Variants in PLCG2 observed in about 807,000 individuals in gnomAD.
PLCG2 encodes the protein phospholipase C gamma 2, also known as 1-phosphatidylinositol 4,5-bisphosphate phosphodiesterase gamma-2.
In PLCG2, 69 loss-of-function variants were observed where a neutral mutation model predicts 175.6. That is an observed-to-expected ratio of 0.39 (90% CI 0.32 to 0.48). The LOEUF is 0.48. Among genes scored for constraint, PLCG2 ranks in the 20% least tolerant of loss-of-function variants. The pLI, the probability that PLCG2 is intolerant of heterozygous loss-of-function variation, is 0.91. For synonymous variants in PLCG2, 827 were observed against 624.0 expected (o/e 1.33, Z -4.85); for missense variants, 1,798 against 1,650.9 (o/e 1.09, Z -1.54).
intron 30 of PLCG2, among the ~76,000 whole-genome samples, chr16:81,941,526 A>AT (rs1354427158): frequency 6.6e-6 from 1 of 151,972 alleles, no homozygotes; most frequent in Non-Finnish European, 1.5e-5. Flanking sequence ...AAGTTACTAG[A>AT]TGAAACAAGA....
In PLCG2 at chr16:81,921,274, G is replaced by T. The variant is rs769881279; in HGVS notation, c.2307+5G>T. 1.9e-6 allele frequency: 3 copies of T among 1,591,756 alleles called. No individual in the cohort carries two copies. Among genetic ancestry groups the T allele is most frequent in the Non-Finnish European group, 2.6e-6 (3 of 1,159,772 alleles). The stretch of plus-strand genomic sequence containing the variant: ...AGTGAAATCAATCCGTCCATGGTAC[G>T]GTGCCGAACCTCCAATTCACATGAT... On this transcript the variant is annotated splice_donor_5th_base_variant and intron_variant, in intron 21 of 32. Transcript: ENST00000564138.
Position 81,912,583 on chromosome 16 carries a change from G to T in PLCG2, c.1935-14G>T, listed in dbSNP as rs55645129. ...ACCGCTCACCTGGTCGTTTTCCCTG[G>T]CCCTGTGCCGCAGGTGGTACTATGA... On this transcript the variant is annotated splice_polypyrimidine_tract_variant and intron_variant, in intron 18 of 32. Coordinates refer to ENST00000564138, the MANE Select transcript of PLCG2 (RefSeq NM_002661.5). 3,805 of 1,612,164 alleles carry T rather than the reference G, an allele frequency of 2.4e-3. 75 individuals carry two copies. The African/African-American group carries it at 0.042, about 18-fold the overall frequency.
chr16:81,818,688 G>C (rs1379528998), intron 2 of PLCG2, among the ~76,000 whole-genome samples: 1 of 151,980 alleles, frequency 6.6e-6, no homozygotes, highest in African/African-American at 2.4e-5. Flanking sequence ...GGCACTGTGG[G>C]CAGCAGGAAA....
intron 2 of PLCG2, among the ~76,000 whole-genome samples, chr16:81,796,631 T>C (rs576439123): frequency 6.6e-6 from 1 of 152,186 alleles, no homozygotes; most frequent in Non-Finnish European, 1.5e-5. Context: ...TTAGTTGAGA[T>C]GAAATCATAA....
chr16:81,744,234 T>A (rs1909658627), intron 1 of PLCG2, among the ~76,000 whole-genome samples: 1 of 150,578 alleles, frequency 6.6e-6, no homozygotes, highest in South Asian at 2.1e-4. Flanking sequence ...GTGGAGTGAT[T>A]TTGGCTCACT....
chr16:81,799,091 G>A (rs1459447505), intron 2 of PLCG2: 2 of 152,244 alleles, frequency 1.3e-5, no homozygotes, highest in Non-Finnish European at 2.9e-5. Context: ...AGACAGCTCT[G>A]AGCTGCTTCC....
At chr16:81,815,185 G>C (rs1272112473) in intron 2 of PLCG2, among the ~76,000 whole-genome samples, 1 of 152,188 alleles carries the variant, frequency 6.6e-6, no homozygotes, top group Non-Finnish European at 1.5e-5. Context: ...TCATGCAGAG[G>C]GTGGTTATGC....
chr16:81,746,184 C>T (rs539459297), intron 1 of PLCG2, among the ~76,000 whole-genome samples: 3 of 152,300 alleles, frequency 2.0e-5, no homozygotes, highest in East Asian at 3.9e-4. Flanking sequence ...CAAACAAGGC[C>T]GGCCTGCTGG....
chr16:81,752,074 G>C (rs1051104116), intron 1 of PLCG2, among the ~76,000 whole-genome samples: 1 of 151,752 alleles, frequency 6.6e-6, no homozygotes, highest in Admixed American at 6.6e-5. Flanking sequence ...ATATAAAAGA[G>C]CTAGGATTTG....
intron 2 of PLCG2, among the ~76,000 whole-genome samples, chr16:81,844,071 G>A (rs1425951265): frequency 6.8e-6 from 1 of 146,468 alleles, no homozygotes; most frequent in African/African-American, 2.5e-5. Context: ...CTGCCTCCCG[G>A]GTTTATGCCA....
At chr16:81,853,266 C>A (rs4889414) in intron 2 of PLCG2, among the ~76,000 whole-genome samples, 1 of 151,478 alleles carries the variant, frequency 6.6e-6, no homozygotes, top group Admixed American at 6.6e-5. Flanking sequence ...GGGAGGCAGA[C>A]GTTGCAGTGA....
At chr16:81,921,042 C>T (rs987627384) in intron 20 of PLCG2, among the ~76,000 whole-genome samples, 156 bp from the exon 21 acceptor site, 17 of 152,302 alleles carry the variant, frequency 1.1e-4, no homozygotes, top group Middle Eastern at 3.4e-3. Context: ...ATAGCTTCTT[C>T]CTGTGTCTAC....
chr16:81,919,401 T>C, intron 19 of PLCG2, 83 bp from the exon 20 acceptor site: 1 of 1,033,426 alleles, frequency 9.7e-7, no homozygotes, highest in Non-Finnish European at 1.5e-6. Flanking sequence ...ATAACTAGGT[T>C]GTATCTAATC....
intron 2 of PLCG2, among the ~76,000 whole-genome samples, chr16:81,818,507 C>G (rs1397775340): frequency 6.6e-6 from 1 of 152,100 alleles, no homozygotes; most frequent in Non-Finnish European, 1.5e-5. Flanking sequence ...CCTCTGCTTG[C>G]ATCTTGGGGA....
intron 2 of PLCG2, among the ~76,000 whole-genome samples, chr16:81,841,804 C>T (rs1295435388): frequency 6.6e-6 from 1 of 152,168 alleles, no homozygotes; most frequent in African/African-American, 2.4e-5. Flanking sequence ...CCCCAGCTGC[C>T]ATGTCAGACG....
At chr16:81,949,391 G>C (rs188477191) in intron 31 of PLCG2, among the ~76,000 whole-genome samples, 1 of 152,172 alleles carries the variant, frequency 6.6e-6, no homozygotes, top group Non-Finnish European at 1.5e-5. Flanking sequence ...CAGCACACTA[G>C]TTGTGTATAA....
intron 8 of PLCG2, among the ~76,000 whole-genome samples, chr16:81,881,371 C>A (rs1441171529): frequency 6.6e-6 from 1 of 152,014 alleles, no homozygotes; most frequent in Non-Finnish European, 1.5e-5. Flanking sequence ...TGCTTGGCAC[C>A]CATGAGGGGC....
At position 81,962,330 on chromosome 16, in the gene PLCG2, A is replaced by G. The variant is rs1911808202; in HGVS notation, c.*4332A>G. On this transcript the variant is annotated 3_prime_UTR_variant, in exon 33 of 33. Transcript: ENST00000564138. ...CCGTAAAAGCTATCTTCTAACCAAC[A>G]AAAAGTTAATAATTAGATTTGGAAT... 1 of 205,032 alleles carries G rather than the reference A, an allele frequency of 4.9e-6. No individual in the cohort carries two copies. Among genetic ancestry groups the G allele is most frequent in the African/African-American group, 2.3e-5 (1 of 43,808 alleles). 12.7% of individuals were successfully genotyped at this position (205,032 alleles called of 1,614,324 possible).
At chr16:81,805,934 G>T (rs895107438) in intron 2 of PLCG2, among the ~76,000 whole-genome samples, 2 of 151,798 alleles carry the variant, frequency 1.3e-5, no homozygotes, top group Non-Finnish European at 1.5e-5. Flanking sequence ...GCCACTGTAC[G>T]CAGTCATGTG....
Sources: gnomAD v4.1 joint callset for allele counts (sites outside exome capture counted in the v4.1 genomes callset) on GRCh38, gnomAD v4.1.1 for gene constraint, MANE v1.5 for transcripts, NCBI Gene and HGNC (gene_info 2026-07-23, HGNC 2026-07-21) for gene names.